DSCAM: variants seen among roughly 807,000 people sequenced by gnomAD.
DSCAM encodes cell adhesion molecule DSCAM.
In DSCAM, 47 loss-of-function variants were observed where a neutral mutation model predicts 217.7. The ratio of observed to expected loss-of-function variants is 0.22; its 90% CI spans 0.17 to 0.28. The LOEUF (loss-of-function observed/expected upper bound fraction) is 0.28. Among genes scored for constraint, DSCAM ranks in the 10% least tolerant of loss-of-function variants. The pLI, the probability that DSCAM is intolerant of heterozygous loss-of-function variation, is 1.00. For synonymous variants in DSCAM, 1,056 were observed against 1,015.3 expected (o/e 1.04, Z -0.76); for missense variants, 2,080 against 2,618.3 (o/e 0.79, Z 4.49).
At chr21:40,540,051 GCTTT>G (rs1339398419) in intron 3 of DSCAM, among the ~76,000 whole-genome samples, 1 of 152,074 alleles carries the variant, frequency 6.6e-6, no homozygotes, top group Non-Finnish European at 1.5e-5. Context: ...CATTTGGGGT[GCTTT>G]ATTTTCACGT....
intron 3 of DSCAM, among the ~76,000 whole-genome samples, chr21:40,644,914 T>A (rs2089926836): frequency 6.6e-6 from 1 of 152,212 alleles, no homozygotes; most frequent in Non-Finnish European, 1.5e-5. Context: ...AAAATACAAC[T>A]GCCAAATTTT....
intron 6 of DSCAM, among the ~76,000 whole-genome samples, chr21:40,346,988 G>C (rs945156974): frequency 7.9e-5 from 12 of 152,108 alleles, no homozygotes; most frequent in African/African-American, 2.9e-4. Context: ...GTGGAAAGGG[G>C]CCAGAGATGC....
intron 11 of DSCAM, among the ~76,000 whole-genome samples, chr21:40,228,574 C>G (rs2091353848): frequency 6.6e-6 from 1 of 151,966 alleles, no homozygotes; most frequent in Admixed American, 6.6e-5. Context: ...AGGTGGCTCC[C>G]ACATCCTATT....
intron 32 of DSCAM, among the ~76,000 whole-genome samples, chr21:40,023,348 T>G (rs1257430227): frequency 6.6e-6 from 1 of 152,126 alleles, no homozygotes; most frequent in African/African-American, 2.4e-5. Context: ...TATGTCTTTA[T>G]AGCAGCATGA....
chr21:40,739,461 C>T (rs1223419637), intron 1 of DSCAM, among the ~76,000 whole-genome samples: 1 of 152,192 alleles, frequency 6.6e-6, no homozygotes, highest in Non-Finnish European at 1.5e-5. Context: ...AAGTCCAGGA[C>T]CAAGTTGTCT....
chr21:40,360,926 C>G (rs2074756378), intron 4 of DSCAM, among the ~76,000 whole-genome samples: 1 of 152,132 alleles, frequency 6.6e-6, no homozygotes, highest in Admixed American at 6.5e-5. Context: ...AGTTACTTTA[C>G]CACCAGTAGT....
At chr21:40,334,600 G>A (rs1046633198) in intron 8 of DSCAM, among the ~76,000 whole-genome samples, 4 of 151,960 alleles carry the variant, frequency 2.6e-5, no homozygotes, top group Admixed American at 1.3e-4. Context: ...CCCTTTCCCC[G>A]AATAGACCAT....
intron 6 of DSCAM, among the ~76,000 whole-genome samples, chr21:40,342,106 T>C (rs1296593283): frequency 1.3e-5 from 2 of 152,188 alleles, no homozygotes; most frequent in Admixed American, 1.3e-4. Flanking sequence ...GGGTGTCTGC[T>C]CAAATCTTTG....
intron 3 of DSCAM, among the ~76,000 whole-genome samples, chr21:40,394,748 T>A (rs1422176216): frequency 6.6e-6 from 1 of 152,172 alleles, no homozygotes. Flanking sequence ...TGGATGAATA[T>A]CACCTGGAAG....
At chr21:40,405,888 T>C (rs2075275780) in intron 3 of DSCAM, among the ~76,000 whole-genome samples, 1 of 152,054 alleles carries the variant, frequency 6.6e-6, no homozygotes, top group Non-Finnish European at 1.5e-5. Context: ...TCCCAGTTAC[T>C]CAAGAGGGCA....
chr21:40,367,472 T>C (rs551857057), intron 4 of DSCAM, among the ~76,000 whole-genome samples: 3 of 152,238 alleles, frequency 2.0e-5, no homozygotes, highest in Non-Finnish European at 2.9e-5. Context: ...TTTTTCAGTA[T>C]ATTTAAATCT....
At chr21:40,652,352 A>C (rs74795123) in intron 3 of DSCAM, among the ~76,000 whole-genome samples, 26,274 of 90,944 alleles carry the variant, frequency 0.29, 2,376 homozygotes, top group African/African-American at 0.37. Context: ...AACAACAAAA[A>C]AAAAAAAAAA....
chr21:40,595,801 T>C (rs937740100), intron 3 of DSCAM, among the ~76,000 whole-genome samples: 3 of 152,252 alleles, frequency 2.0e-5, no homozygotes, highest in Non-Finnish European at 2.9e-5. Flanking sequence ...AGCAAGCAAG[T>C]TGTAGCATTA....
chr21:40,815,266 G>T (rs1174871334), intron 1 of DSCAM, among the ~76,000 whole-genome samples: 1 of 151,978 alleles, frequency 6.6e-6, no homozygotes, highest in Non-Finnish European at 1.5e-5. Flanking sequence ...GGGACAGACT[G>T]CCACGAGATA....
chr21:40,142,925 T>C (rs903981635), intron 17 of DSCAM, among the ~76,000 whole-genome samples: 22 of 152,220 alleles, frequency 1.4e-4, no homozygotes, highest in African/African-American at 5.1e-4. Context: ...TCTAATGGAT[T>C]CCATAGTCTC....
chr21:40,302,238 C>T (rs1569051441), intron 9 of DSCAM, among the ~76,000 whole-genome samples: 1 of 152,132 alleles, frequency 6.6e-6, no homozygotes. Flanking sequence ...GTAGCTCCCA[C>T]AATTCCCACC....
rs551396154 is a variant in DSCAM, at chr21:40,030,643, C to G, written c.5686+11728G>C. ...AGGTTAAAAGAACCCTGGGGCCATCCAACAAAGCCTCCACATACTGCTGTT... is the reference window on the plus strand; with the variant it reads ...AGGTTAAAAGAACCCTGGGGCCATCGAACAAAGCCTCCACATACTGCTGTT... On this transcript the variant is annotated intron_variant, in intron 32 of 32. Coordinates refer to ENST00000400454, the MANE Select transcript of DSCAM (RefSeq NM_001389.5). Among the ~76,000 whole-genome samples the G allele has an allele frequency of 1.1e-4, 16 of 152,288 alleles. No individual in the cohort carries two copies. In the East Asian group the frequency reaches 2.5e-3, roughly 24 times the overall value.
chr21:40,384,123 G>A (rs1007959937), intron 3 of DSCAM: 3 of 152,492 alleles, frequency 2.0e-5, no homozygotes, highest in Admixed American at 6.5e-5. Context: ...TGGGCTGCAG[G>A]GCTGACGTGG....
At chr21:40,535,019 G>A (rs1422019541) in intron 3 of DSCAM, among the ~76,000 whole-genome samples, 5 of 152,078 alleles carry the variant, frequency 3.3e-5, no homozygotes, top group African/African-American at 1.2e-4. Flanking sequence ...TTCCCCAAGA[G>A]GTGGTCACAG....
Sources: allele counts gnomAD v4.1 joint callset (sites outside exome capture counted in the v4.1 genomes callset), GRCh38; gene constraint gnomAD v4.1.1; transcripts MANE v1.5; gene names NCBI Gene and HGNC (gene_info 2026-07-23, HGNC 2026-07-21).